The following NPHP1 variants were observed in gnomAD, a reference collection of about 807,000 sequenced individuals.
NPHP1 encodes the protein nephrocystin-1.
Under a neutral mutation model 90.4 loss-of-function variants are expected in NPHP1, and 70 were observed. The observed-to-expected ratio is 0.77, with a 90% CI of 0.64 to 0.95. NPHP1 has a LOEUF of 0.95. NPHP1 is among the 40% of genes least tolerant of loss of function. The pLI is 0.00. For missense variants in NPHP1, 764 were observed against 795.9 expected (o/e 0.96, Z 0.48); for synonymous variants, 256 against 271.7 (o/e 0.94, Z 0.57).
chr2:110,171,190 G>A (rs1257922466), intron 4 of NPHP1, among the ~76,000 whole-genome samples: 1 of 152,114 alleles, frequency 6.6e-6, no homozygotes, highest in Non-Finnish European at 1.5e-5. Context: ...CCAAAATAAT[G>A]TTAGCTTGGG....
intron 14 of NPHP1, among the ~76,000 whole-genome samples, chr2:110,146,437 T>C (rs1181709838): frequency 6.6e-6 from 1 of 152,160 alleles, no homozygotes; most frequent in Non-Finnish European, 1.5e-5. Flanking sequence ...TCCCACTCTT[T>C]GAAGACAACT....
intron 2 of NPHP1, among the ~76,000 whole-genome samples, chr2:110,200,603 A>G (rs1685515745): frequency 6.6e-6 from 1 of 152,188 alleles, no homozygotes; most frequent in African/African-American, 2.4e-5. Flanking sequence ...TAGTTTACTA[A>G]CATAAAATTT....
intron 16 of NPHP1, among the ~76,000 whole-genome samples, chr2:110,136,813 G>GA (rs1680235403): frequency 6.6e-6 from 1 of 152,054 alleles, no homozygotes; most frequent in Admixed American, 6.6e-5. Context: ...CACAGAATTA[G>GA]AAAAAACTAC....
At chr2:110,197,513 G>A (rs775938527) in intron 2 of NPHP1, among the ~76,000 whole-genome samples, 12 of 152,016 alleles carry the variant, frequency 7.9e-5, no homozygotes, top group African/African-American at 1.9e-4. Context: ...GGGGGCCCAC[G>A]GCTGCCAGTG....
chr2:110,133,595 A>C (rs1010740727), intron 16 of NPHP1, among the ~76,000 whole-genome samples: 2 of 152,278 alleles, frequency 1.3e-5, no homozygotes, highest in Non-Finnish European at 2.9e-5. Context: ...TCTCAAGTGC[A>C]CATGACATAT....
At chr2:110,142,685 A>G (rs986536319) in intron 16 of NPHP1, among the ~76,000 whole-genome samples, 1 of 152,170 alleles carries the variant, frequency 6.6e-6, no homozygotes, top group Non-Finnish European at 1.5e-5. Flanking sequence ...GAGCTTAGAC[A>G]GGCCTACCTT....
At chr2:110,178,599 A>C (rs1226856868) in intron 3 of NPHP1, 52 bp from the exon 4 acceptor site, 1 of 1,562,742 alleles carries the variant, frequency 6.4e-7, no homozygotes, top group African/African-American at 1.4e-5. Flanking sequence ...CAGTTTCCTA[A>C]TTTCAAAAGA....
At chr2:110,136,507 C>A (rs1680214276) in intron 16 of NPHP1, among the ~76,000 whole-genome samples, 1 of 152,128 alleles carries the variant, frequency 6.6e-6, no homozygotes, top group Admixed American at 6.5e-5. Context: ...GCAAAAATCA[C>A]AAGCATTCTT....
chr2:110,125,609 G>A (rs2104415327), intron 19 of NPHP1, 28 bp downstream of exon 19: 1 of 1,589,702 alleles, frequency 6.3e-7, no homozygotes, highest in East Asian at 2.2e-5. Context: ...TGCAAATATG[G>A]AGTTCAGTGT....
intron 2 of NPHP1, among the ~76,000 whole-genome samples, chr2:110,180,448 CTT>C (rs3086121): frequency 0.013 from 1,053 of 80,710 alleles, 2 homozygotes; most frequent in African/African-American, 0.042. Flanking sequence ...CCGTTTGAGT[CTT>C]TTTTTTTTTT....
intron 2 of NPHP1, among the ~76,000 whole-genome samples, chr2:110,197,114 C>T (rs1685225579): frequency 1.3e-5 from 2 of 152,014 alleles, no homozygotes; most frequent in Non-Finnish European, 2.9e-5. Context: ...TAACAACATA[C>T]ACTGGGGCCT....
chr2:110,185,000 G>A, intron 2 of NPHP1: 2 of 617,628 alleles, frequency 3.2e-6, no homozygotes, highest in South Asian at 1.4e-5. Flanking sequence ...CTTGTTCAAA[G>A]GTTTTGGTGA....
At chr2:110,137,450 T>G (rs574187846) in intron 16 of NPHP1, among the ~76,000 whole-genome samples, 2 of 152,052 alleles carry the variant, frequency 1.3e-5, no homozygotes, top group African/African-American at 4.8e-5. Context: ...ATATACAGAA[T>G]CTACAGTGAA....
intron 1 of NPHP1, chr2:110,202,552 C>A: frequency 2.7e-6 from 1 of 370,276 alleles, no homozygotes; most frequent in South Asian, 2.0e-5. Flanking sequence ...TCAAAAGGCT[C>A]CAGAGCCAAT....
chr2:110,134,138 A>G (rs1394544360), intron 16 of NPHP1, among the ~76,000 whole-genome samples: 1 of 152,100 alleles, frequency 6.6e-6, no homozygotes, highest in African/African-American at 2.4e-5. Context: ...GGAACACTCA[A>G]CTAAAATCAG....
intron 11 of NPHP1, among the ~76,000 whole-genome samples, chr2:110,159,551 A>G (rs1026998467): frequency 1.3e-5 from 2 of 152,000 alleles, no homozygotes; most frequent in African/African-American, 4.8e-5. Context: ...CAATGTTGTC[A>G]AATTTACTGG....
intron 16 of NPHP1, among the ~76,000 whole-genome samples, chr2:110,134,860 C>G (rs1273829402): frequency 6.6e-6 from 1 of 152,026 alleles, no homozygotes; most frequent in Non-Finnish European, 1.5e-5. Context: ...ATATGAAAAG[C>G]CCACAGCTAA....
intron 2 of NPHP1, chr2:110,185,233 C>G: frequency 2.0e-6 from 1 of 510,578 alleles, no homozygotes; most frequent in Non-Finnish European, 3.9e-6. Flanking sequence ...CTTTAAAACT[C>G]GCTTTGTTGA....
chr2:110,158,038 C>G (rs377553848), intron 11 of NPHP1, among the ~76,000 whole-genome samples: 1 of 152,034 alleles, frequency 6.6e-6, no homozygotes, highest in African/African-American at 2.4e-5. Flanking sequence ...TTCTAATTTC[C>G]CATGAAATTT....
Sources: gnomAD v4.1 joint callset for allele counts (sites outside exome capture counted in the v4.1 genomes callset) on GRCh38, gnomAD v4.1.1 for gene constraint, MANE v1.5 for transcripts, NCBI Gene and HGNC (gene_info 2026-07-23, HGNC 2026-07-21) for gene names.